The following PRICKLE2 variants were observed in gnomAD, a reference collection of about 807,000 sequenced individuals.
PRICKLE2 encodes prickle-like protein 2.
Under a neutral mutation model 81.4 loss-of-function variants are expected in PRICKLE2, and 21 were observed. The observed-to-expected ratio is 0.26, with a 90% CI of 0.18 to 0.37. The LOEUF is 0.37. Among genes scored for constraint, PRICKLE2 ranks in the 10% least tolerant of loss-of-function variants. The pLI is 1.00. For missense variants in PRICKLE2, 940 were observed against 1,109.0 expected (o/e 0.85, Z 2.16); for synonymous variants, 456 against 421.5 (o/e 1.08, Z -1.00).
intron 2 of PRICKLE2, among the ~76,000 whole-genome samples, chr3:64,251,524 G>A (rs71300706): frequency 3.3e-5 from 5 of 152,114 alleles, no homozygotes; most frequent in East Asian, 3.9e-4. Context: ...TGATACAGCC[G>A]ACTTTGACAA....
In PRICKLE2 at chr3:64,099,866, C is replaced by A; in HGVS notation, c.1720G>T (p.Asp574Tyr). The change falls in exon 8 of 8, where the codon GAC becomes TAC. Residue 574 changes from aspartate to tyrosine, a missense_variant. Coordinates refer to ENST00000638394, the MANE Select transcript of PRICKLE2 (RefSeq NM_198859.4). This position sits in a 1 kb window ranked among gnomAD's most constrained non-coding sequence, Gnocchi z 4.3. Reference protein sequence around the residue: ...QEHLSRFSMPDLSKDSGMNVS... With the variant: ...QEHLSRFSMPYLSKDSGMNVS... ...TTCATTCCAGAGTCTTTGCTGAGGT[C>A]AGGCATGGAAAATCGGGATAGGTGC... 6.2e-7 allele frequency: 1 copy of A among 1,614,166 alleles called. No homozygotes were observed. Among genetic ancestry groups the A allele is most frequent in the South Asian group, 1.1e-5 (1 of 91,068 alleles).
At chr3:64,258,409 A>C (rs1249576497) in intron 2 of PRICKLE2, among the ~76,000 whole-genome samples, 2 of 152,252 alleles carry the variant, frequency 1.3e-5, no homozygotes, top group Non-Finnish European at 2.9e-5. Context: ...ACAACTATAC[A>C]CAAGAAAACA....
At chr3:64,204,963 G>A (rs984711226) in intron 1 of PRICKLE2, among the ~76,000 whole-genome samples, 2 of 152,020 alleles carry the variant, frequency 1.3e-5, no homozygotes, top group Admixed American at 6.6e-5. Context: ...ACACCCAACA[G>A]CTCTCTTTCA....
In PRICKLE2 at chr3:64,092,483, G is replaced by GAC. The variant is rs1281714601; in HGVS notation, c.*6567_*6568insGT. On this transcript the variant is annotated 3_prime_UTR_variant, in exon 8 of 8. Transcript: ENST00000638394. ...GGTTCCTGGCTAGAGAAAGCCTTTT[G>GAC]ATAAATATTTGTTGAATGAATGAAT... 1 of 152,104 alleles carries GAC rather than the reference G, an allele frequency of 6.6e-6. No homozygotes were observed. The highest frequency in any genetic ancestry group is 2.4e-5 in the African/African-American group (1 of 41,420). The allele number at this position is 152,104 out of a possible 1,614,324, so 9.4% of individuals were successfully genotyped here.
chr3:64,263,637 G>C (rs1014816181), intron 2 of PRICKLE2, among the ~76,000 whole-genome samples: 16 of 151,444 alleles, frequency 1.1e-4, no homozygotes, highest in African/African-American at 3.4e-4. Context: ...GGGCTGTGTA[G>C]GGTGAGGTCT....
intron 2 of PRICKLE2, among the ~76,000 whole-genome samples, chr3:64,187,243 T>A (rs1362493702): frequency 6.6e-6 from 1 of 152,226 alleles, no homozygotes; most frequent in Non-Finnish European, 1.5e-5. Context: ...CAGGCAGTTT[T>A]AGTGAAAGCT....
intron 4 of PRICKLE2, among the ~76,000 whole-genome samples, chr3:64,158,943 G>A (rs1041335327): frequency 1.3e-5 from 2 of 152,098 alleles, no homozygotes; most frequent in African/African-American, 4.8e-5. Context: ...AGCTCTCAAG[G>A]GGTCTACGCA....
intron 2 of PRICKLE2, among the ~76,000 whole-genome samples, chr3:64,256,392 G>T (rs1304812691): frequency 6.6e-6 from 1 of 151,928 alleles, no homozygotes; most frequent in African/African-American, 2.4e-5. Context: ...TTTAAATTTT[G>T]TCAAAAAAAA....
intron 2 of PRICKLE2, among the ~76,000 whole-genome samples, chr3:64,194,718 A>G (rs1367181321): frequency 3.9e-5 from 6 of 152,204 alleles, no homozygotes; most frequent in African/African-American, 1.2e-4. Context: ...GAGATACGGT[A>G]TACACTATTC....
At chr3:64,137,291 G>A (rs192704764) in intron 7 of PRICKLE2, among the ~76,000 whole-genome samples, 6 of 152,136 alleles carry the variant, frequency 3.9e-5, no homozygotes, top group African/African-American at 1.2e-4. Flanking sequence ...GAAATGAAAT[G>A]TTCACACATT....
At chr3:64,232,198 C>T (rs954332040) in intron 2 of PRICKLE2, among the ~76,000 whole-genome samples, 1 of 152,126 alleles carries the variant, frequency 6.6e-6, no homozygotes, top group African/African-American at 2.4e-5. Flanking sequence ...TCAATGTTAA[C>T]GATTATGTGA....
intron 2 of PRICKLE2, among the ~76,000 whole-genome samples, chr3:64,241,158 A>G (rs535033853): frequency 6.6e-6 from 1 of 152,348 alleles, no homozygotes; most frequent in Non-Finnish European, 1.5e-5. Context: ...CTATATTTCA[A>G]TAAAACTTTA....
chr3:64,129,392 G>C (rs1362670672), intron 7 of PRICKLE2, among the ~76,000 whole-genome samples: 2 of 152,188 alleles, frequency 1.3e-5, no homozygotes, highest in Non-Finnish European at 2.9e-5. Context: ...TGTCCCACTT[G>C]GAAGGCTTCA....
At chr3:64,263,532 G>A (rs2079646470) in intron 2 of PRICKLE2, among the ~76,000 whole-genome samples, 1 of 152,088 alleles carries the variant, frequency 6.6e-6, no homozygotes, top group African/African-American at 2.4e-5. Context: ...ACTTTCCACA[G>A]GATTACACTC....
intron 7 of PRICKLE2, chr3:64,145,760 C>T (rs747001322): frequency 5.3e-5 from 8 of 152,044 alleles, no homozygotes; most frequent in Non-Finnish European, 1.0e-4. Context: ...GGCAGCACCA[C>T]GCTGGGGCAA....
At chr3:64,166,299 C>G (rs1315705643) in intron 2 of PRICKLE2, among the ~76,000 whole-genome samples, 1 of 152,170 alleles carries the variant, frequency 6.6e-6, no homozygotes. Context: ...CCTGATTACC[C>G]TGTCTTGGGC....
At chr3:64,212,899 A>G (rs894361866) in intron 1 of PRICKLE2, among the ~76,000 whole-genome samples, 5 of 152,148 alleles carry the variant, frequency 3.3e-5, no homozygotes, top group Admixed American at 6.5e-5. Flanking sequence ...AAAGAGATCA[A>G]TGGAAAACAG....
intron 5 of PRICKLE2, among the ~76,000 whole-genome samples, chr3:64,156,825 G>T (rs1356421645): frequency 1.3e-5 from 2 of 152,162 alleles, no homozygotes. Flanking sequence ...TGAGATTAGG[G>T]TTAATATCTA....
intron 3 of PRICKLE2, among the ~76,000 whole-genome samples, chr3:64,162,147 G>C (rs145770132): frequency 2.8e-3 from 422 of 152,238 alleles, no homozygotes; most frequent in African/African-American, 9.6e-3. Flanking sequence ...GATTCAGCTC[G>C]TGGGTTGGAG....
Sources: allele counts gnomAD v4.1 joint callset (sites outside exome capture counted in the v4.1 genomes callset), GRCh38; gene constraint gnomAD v4.1.1; non-coding constraint Gnocchi (gnomAD v3.1); transcripts MANE v1.5; gene names NCBI Gene and HGNC (gene_info 2026-07-23, HGNC 2026-07-21).